The following NSMAF variants were observed in gnomAD, a reference collection of about 807,000 sequenced individuals.
The protein encoded by NSMAF is neutral sphingomyelinase activation associated factor, also known as protein FAN.
A neutral mutation model predicts 134.9 loss-of-function variants in NSMAF; 90 were observed. The observed-to-expected ratio is 0.67, with a 90% confidence interval of 0.56 to 0.79. NSMAF has a LOEUF of 0.79. NSMAF is among the 30% of genes least tolerant of loss of function. NSMAF has a pLI of 0.00. For missense variants in NSMAF, 1,010 were observed against 1,119.0 expected, an observed-to-expected ratio of 0.90 and a Z score of 1.39; for synonymous variants, 358 against 389.6, an observed-to-expected ratio of 0.92 and a Z score of 0.96.
At chr8:58,638,274 G>GAGA (rs1807248899) in intron 2 of NSMAF, among the ~76,000 whole-genome samples, 1 of 152,028 alleles carries the variant, frequency 6.6e-6, no homozygotes. Context: ...CCAACTCCTG[G>GAGA]TCTCAAGTGA....
At position 58,623,436 on chromosome 8, in the gene NSMAF, T is replaced by C. The variant is rs187258577; in HGVS notation, c.457-12A>G. 621 of 1,611,214 alleles carry C rather than the reference T, an allele frequency of 3.9e-4. 5 individuals are homozygous for C. In the African/African-American group the frequency reaches 7.5e-3, roughly 19 times the overall value. On this transcript the variant is annotated splice_polypyrimidine_tract_variant and intron_variant, in intron 7 of 30. Coordinates refer to ENST00000038176, the MANE Select transcript of NSMAF (RefSeq NM_003580.4). ...GATGCTCTGTGAAGCTACAGTATCA[T>C]AAACAGACATGAATTTATTTTTTCT...
At chr8:58,632,421 C>T (rs1807075290) in intron 5 of NSMAF, among the ~76,000 whole-genome samples, 1 of 152,174 alleles carries the variant, frequency 6.6e-6, no homozygotes, top group Admixed American at 6.5e-5. Flanking sequence ...CGTCACCATA[C>T]AATCAATTCT....
chr8:58,656,167 C>T (rs1390938727), intron 1 of NSMAF, among the ~76,000 whole-genome samples: 2 of 151,750 alleles, frequency 1.3e-5, no homozygotes, highest in African/African-American at 2.4e-5. Flanking sequence ...CACAGGCGCA[C>T]GCCACCATGC....
At chr8:58,653,486 A>G (rs1807631994) in intron 1 of NSMAF, among the ~76,000 whole-genome samples, 1 of 152,114 alleles carries the variant, frequency 6.6e-6, no homozygotes, top group African/African-American at 2.4e-5. Flanking sequence ...AAGTAAAACA[A>G]TGGAAAATCC....
chr8:58,598,922 A>G (rs1806207425), intron 19 of NSMAF, among the ~76,000 whole-genome samples: 1 of 152,132 alleles, frequency 6.6e-6, no homozygotes, highest in South Asian at 2.1e-4. Flanking sequence ...GCTACTCGGG[A>G]GGCTGAGGCA....
At chr8:58,619,590 G>A (rs1475441991) in intron 9 of NSMAF, among the ~76,000 whole-genome samples, 1 of 152,028 alleles carries the variant, frequency 6.6e-6, no homozygotes, top group Non-Finnish European at 1.5e-5. Context: ...GAGTTTAATA[G>A]GGTTGCTGAA....
Position 58,623,383 on chromosome 8 carries a change from G to T in NSMAF, c.498C>A (p.Thr166=), listed in dbSNP as rs772747023. The T allele has an allele frequency of 6.2e-7, 1 of 1,613,892 alleles. No homozygotes were observed. The highest frequency in any genetic ancestry group is 8.5e-7 in the Non-Finnish European group (1 of 1,179,826). ...ASCLDKLGDQ[T]AMITAILQSR... Reference sequence around the variant, plus strand: ...CATTGTTAAGAATACTTACCATGGCGGTTTGGTCACCCAATTTGTCAAGGC... The same window carrying T: ...CATTGTTAAGAATACTTACCATGGCTGTTTGGTCACCCAATTTGTCAAGGC... Residue 166 remains threonine (T), a synonymous_variant, in exon 8 of 31, where the codon ACC becomes ACA. Transcript: ENST00000038176.
chr8:58,632,500 C>G (rs1403210614), intron 5 of NSMAF, among the ~76,000 whole-genome samples: 49 of 152,274 alleles, frequency 3.2e-4, no homozygotes, highest in African/African-American at 1.1e-3. Flanking sequence ...AGCAGTTTTC[C>G]ACATGGCTTC....
chr8:58,595,450 T>C (rs1781504320), intron 22 of NSMAF, 110 bp downstream of exon 22: 2 of 715,952 alleles, frequency 2.8e-6, no homozygotes, highest in East Asian at 2.7e-5. Flanking sequence ...AAAGACAACA[T>C]TGAAAGGGAA....
chr8:58,585,265 C>T (rs948033634), intron 30 of NSMAF, among the ~76,000 whole-genome samples: 1 of 150,612 alleles, frequency 6.6e-6, no homozygotes, highest in African/African-American at 2.5e-5. Flanking sequence ...TAGGAGTCAG[C>T]GGTAGAAAGA....
intron 25 of NSMAF, 157 bp from the exon 26 acceptor site, chr8:58,589,732 A>T: frequency 1.3e-6 from 1 of 785,034 alleles, no homozygotes; most frequent in South Asian, 2.7e-5. Flanking sequence ...CAAAATATTC[A>T]AAATTTGAAT....
Position 58,585,888 on chromosome 8 carries a change from C to T in NSMAF, c.2549+10G>A, listed in dbSNP as rs776961452. The T allele has an allele frequency of 1.1e-5, 18 of 1,611,134 alleles. No homozygotes were observed. Among genetic ancestry groups the T allele is most frequent in the Non-Finnish European group, 1.3e-5 (15 of 1,177,476 alleles). On this transcript the variant is annotated intron_variant, in intron 29 of 30. Transcript: ENST00000038176. ...AAATGTCTTCGCCCCCAGTAACTCA[C>T]AAACTATACCTCTGGGGCTCATCTG... is the stretch of plus-strand genomic sequence containing the variant.
rs747179389 is a variant in NSMAF, at chr8:58,600,030, GA to G, written c.1281-10del. 7.4e-5 allele frequency: 118 copies of G among 1,598,200 alleles called. No individual in the cohort carries two copies. Among genetic ancestry groups the G allele is most frequent in the Middle Eastern group, 1.7e-4 (1 of 5,940 alleles). On this transcript the variant is annotated splice_polypyrimidine_tract_variant and intron_variant, in intron 16 of 30. Coordinates refer to ENST00000038176, the MANE Select transcript of NSMAF (RefSeq NM_003580.4). ...TCCAAGTTTCTGCAATACTACATAT[GA>G]AAAAAAAATTCACCTATTTTCAGCT...
At position 58,583,705 on chromosome 8, in the gene NSMAF, GA is replaced by G. The variant is rs1416289847; in HGVS notation, c.*400del. The G allele has an allele frequency of 1.3e-5, 3 of 237,602 alleles. No homozygotes were observed. The East Asian group carries it at 4.4e-4, about 35-fold the overall frequency. 14.7% of individuals were successfully genotyped at this position (237,602 alleles called of 1,614,324 possible). A position where few individuals can be genotyped will look rare whatever the true frequency, so the allele number is the denominator to read the frequency against. Reference sequence around the variant, plus strand: ...ATGGGTGGCAATTGTGATAGATTAGGAAGACAAAACAGATTCAGAAGTAGCA... The same window carrying G: ...ATGGGTGGCAATTGTGATAGATTAGGAGACAAAACAGATTCAGAAGTAGCA... On this transcript the variant is annotated 3_prime_UTR_variant, in exon 31 of 31. Transcript: ENST00000038176.
intron 5 of NSMAF, among the ~76,000 whole-genome samples, chr8:58,634,211 A>G (rs796508074): frequency 3.9e-5 from 6 of 152,326 alleles, no homozygotes; most frequent in African/African-American, 1.4e-4. Context: ...AGCCTGTGAA[A>G]TGTTTTCTTC....
intron 1 of NSMAF, among the ~76,000 whole-genome samples, chr8:58,658,985 T>G (rs1807787168): frequency 6.6e-6 from 1 of 152,184 alleles, no homozygotes; most frequent in East Asian, 1.9e-4. Flanking sequence ...AATCAGGCCT[T>G]TCCGGCGGCC....
chr8:58,623,546 A>G (rs1806841223), intron 7 of NSMAF, 122 bp from the exon 8 acceptor site: 4 of 1,110,790 alleles, frequency 3.6e-6, no homozygotes, highest in Admixed American at 2.0e-5. Flanking sequence ...TGATATACCT[A>G]TGGCTTCTTC....
intron 1 of NSMAF, among the ~76,000 whole-genome samples, chr8:58,655,036 A>C (rs554160471): frequency 6.6e-6 from 1 of 151,894 alleles, no homozygotes; most frequent in African/African-American, 2.4e-5. Flanking sequence ...ACAGGGTTTC[A>C]CCATGTTGAC....
chr8:58,603,777 T>C (rs1806340117), intron 12 of NSMAF, among the ~76,000 whole-genome samples: 1 of 152,248 alleles, frequency 6.6e-6, no homozygotes, highest in South Asian at 2.1e-4. Context: ...TTATTTCTTT[T>C]ATTATTTATG....
Sources: gnomAD v4.1 joint callset for allele counts (sites outside exome capture counted in the v4.1 genomes callset) on GRCh38, gnomAD v4.1.1 for gene constraint, MANE v1.5 for transcripts, NCBI Gene and HGNC (gene_info 2026-07-23, HGNC 2026-07-21) for gene names.